STAG1: variants seen among roughly 807,000 people sequenced by gnomAD.
STAG1 encodes cohesin subunit SA-1.
STAG1 carries 26 observed loss-of-function variants against 170.9 expected under a neutral mutation model. The ratio of observed to expected loss-of-function variants is 0.15; its 90% confidence interval spans 0.11 to 0.21. STAG1 has a LOEUF of 0.21. Ranked by LOEUF, STAG1 falls within the 10% of genes least tolerant of loss-of-function variation. STAG1 has a pLI of 1.00. For synonymous variants in STAG1, 514 were observed against 497.7 expected, an observed-to-expected ratio of 1.03 and a Z score of -0.44; for missense variants, 964 against 1,509.5, an observed-to-expected ratio of 0.64 and a Z score of 5.99.
At position 136,717,026 on chromosome 3, in the gene STAG1, A is replaced by G. The variant is rs971499708; in HGVS notation, c.-84+35169T>C. The stretch of plus-strand genomic sequence containing the variant: ...TCACAGGGATCAAATGGGAATTTAC[A>G]TAAATGGTTTATAACAGCAACGTGT... On this transcript the variant is annotated intron_variant, in intron 1 of 33. Coordinates refer to ENST00000383202, the MANE Select transcript of STAG1 (RefSeq NM_005862.3). Among the ~76,000 whole-genome samples the G allele has an allele frequency of 3.9e-5, 6 of 152,248 alleles. No individual in the cohort carries two copies. The East Asian group carries it at 1.2e-3, about 29-fold the overall frequency.
intron 1 of STAG1, among the ~76,000 whole-genome samples, chr3:136,686,480 T>A (rs1237726685): frequency 6.6e-6 from 1 of 152,176 alleles, no homozygotes; most frequent in Non-Finnish European, 1.5e-5. Context: ...AGAATTGAAT[T>A]CCATCTTATT....
intron 1 of STAG1, among the ~76,000 whole-genome samples, chr3:136,692,313 CAAAAAAA>C (rs71157399): frequency 0.023 from 1,079 of 46,176 alleles, 24 homozygotes; most frequent in African/African-American, 0.099. Context: ...GACTCCATCT[CAAAAAAA>C]AAAAAAAAAA....
chr3:136,442,704 A>C (rs573290914), intron 15 of STAG1, among the ~76,000 whole-genome samples: 5 of 152,084 alleles, frequency 3.3e-5, no homozygotes, highest in African/African-American at 1.2e-4. Flanking sequence ...AAAAAAAAAA[A>C]CATTAAGTTA....
intron 4 of STAG1, among the ~76,000 whole-genome samples, chr3:136,585,160 G>T (rs1559892692): frequency 3.3e-5 from 5 of 152,114 alleles, no homozygotes. Flanking sequence ...ATCAATTCCA[G>T]GCTGGGAGCA....
intron 10 of STAG1, among the ~76,000 whole-genome samples, chr3:136,474,173 CTT>C (rs1328099678): frequency 1.3e-5 from 2 of 152,084 alleles, no homozygotes; most frequent in Non-Finnish European, 2.9e-5. Context: ...AGTGGAATGT[CTT>C]TAATAAAGTC....
At chr3:136,725,041 G>C (rs1933580300) in intron 1 of STAG1, among the ~76,000 whole-genome samples, 1 of 152,152 alleles carries the variant, frequency 6.6e-6, no homozygotes, top group Non-Finnish European at 1.5e-5. Context: ...AAGTGAACTA[G>C]AAAGGTTCCA....
chr3:136,593,431 G>C (rs768830785), intron 4 of STAG1, among the ~76,000 whole-genome samples: 3 of 152,194 alleles, frequency 2.0e-5, no homozygotes, highest in Non-Finnish European at 2.9e-5. Context: ...TTGGAATAAA[G>C]ACCTAGAGTT....
intron 10 of STAG1, among the ~76,000 whole-genome samples, chr3:136,476,200 G>A (rs140686568): frequency 3.9e-3 from 590 of 152,232 alleles, no homozygotes; most frequent in Admixed American, 7.3e-3. Context: ...GGTGCCTATA[G>A]GACAATGCTA....
At chr3:136,674,132 AGG>A (rs1942057782) in intron 1 of STAG1, among the ~76,000 whole-genome samples, 1 of 65,544 alleles carries the variant, frequency 1.5e-5, no homozygotes, top group African/African-American at 6.2e-5. Context: ...GGAGGGAGGG[AGG>A]GAAGGAAGGA....
At chr3:136,534,113 GC>G (rs1163165714) in intron 6 of STAG1, among the ~76,000 whole-genome samples, 1 of 152,106 alleles carries the variant, frequency 6.6e-6, no homozygotes, top group African/African-American at 2.4e-5. Context: ...CATATTTACA[GC>G]CAACTGATGT....
chr3:136,649,503 C>CAAAAAAAAAAAAAA (rs761067087), intron 1 of STAG1, among the ~76,000 whole-genome samples: 4 of 70,852 alleles, frequency 5.6e-5, no homozygotes, highest in African/African-American at 9.0e-5. Context: ...AAAACAGAAA[C>CAAAAAAAAAAAAAA]AAAAAAAAAA....
intron 21 of STAG1, among the ~76,000 whole-genome samples, chr3:136,408,842 A>C (rs1159430739): frequency 6.6e-6 from 1 of 152,350 alleles, no homozygotes; most frequent in Non-Finnish European, 1.5e-5. Flanking sequence ...AGAATACTAA[A>C]AGGTTTTTAT....
At chr3:136,428,033 A>G (rs935342375) in intron 16 of STAG1, among the ~76,000 whole-genome samples, 3 of 152,106 alleles carry the variant, frequency 2.0e-5, no homozygotes, top group Admixed American at 6.6e-5. Context: ...GAAGAAAAGG[A>G]TATCTGCCTG....
Position 136,528,176 on chromosome 3 carries a change from C to G in STAG1, c.472-6759G>C, listed in dbSNP as rs75830393. Among the ~76,000 whole-genome samples, 31 of 152,244 alleles carry G rather than the reference C, an allele frequency of 2.0e-4. No individual in the cohort carries two copies. In the East Asian group the frequency reaches 5.8e-3, roughly 28 times the overall value. On this transcript the variant is annotated intron_variant, in intron 6 of 33. Transcript: ENST00000383202. ...GCGTTTTGTTCAGCTATGCCCTGCC[C>G]CAGGGTGGAGTCTACAGAGGCAGAC...
intron 3 of STAG1, among the ~76,000 whole-genome samples, chr3:136,614,650 A>G (rs1559910610): frequency 6.6e-6 from 1 of 152,234 alleles, no homozygotes. Flanking sequence ...GTGTATCTAC[A>G]TTTCTAGTAA....
intron 9 of STAG1, among the ~76,000 whole-genome samples, chr3:136,477,877 G>C (rs1305576371): frequency 1.3e-5 from 2 of 152,098 alleles, no homozygotes; most frequent in East Asian, 3.9e-4. Flanking sequence ...TGCAACCTCT[G>C]CCTCCAGGTT....
intron 21 of STAG1, among the ~76,000 whole-genome samples, chr3:136,416,592 C>G (rs913850051): frequency 6.6e-6 from 1 of 152,152 alleles, no homozygotes; most frequent in Non-Finnish European, 1.5e-5. Context: ...TCACTTTCAA[C>G]TTAGAAGCAT....
At chr3:136,587,905 GTGAGCCAAGA>G (rs1435617294) in intron 4 of STAG1, among the ~76,000 whole-genome samples, 2 of 152,210 alleles carry the variant, frequency 1.3e-5, no homozygotes, top group Non-Finnish European at 1.5e-5. Context: ...GGAGGTTGCA[GTGAGCCAAGA>G]TGGCACCATT....
intron 30 of STAG1, among the ~76,000 whole-genome samples, chr3:136,343,453 A>G (rs1029890326): frequency 6.6e-6 from 1 of 152,236 alleles, no homozygotes; most frequent in African/African-American, 2.4e-5. Context: ...AAAGCTAAAT[A>G]CAGTCTATTT....
Sources: gnomAD v4.1 joint callset for allele counts (sites outside exome capture counted in the v4.1 genomes callset) on GRCh38, gnomAD v4.1.1 for gene constraint, MANE v1.5 for transcripts, NCBI Gene and HGNC (gene_info 2026-07-23, HGNC 2026-07-21) for gene names.